Variants in GALNT15 observed in about 807,000 individuals in gnomAD.
GALNT15 encodes UDP-GalNAc transferase T15.
In GALNT15, 67 loss-of-function variants were observed where a neutral mutation model predicts 66.8. That is an observed-to-expected ratio of 1.00 (90% CI 0.82 to 1.23). The LOEUF (loss-of-function observed/expected upper bound fraction) is 1.23, where lower values mean the gene tolerates loss of function less well. Among genes scored for constraint, GALNT15 ranks in the 50% most tolerant of loss-of-function variants. The pLI is 0.00. For missense variants in GALNT15, 827 were observed against 804.3 expected (o/e 1.03, Z -0.34); for synonymous variants, 313 against 311.5 (o/e 1.00, Z -0.05).
chr3:16,182,459 G>C lies in GALNT15; in HGVS notation c.539+6769G>C, dbSNP rs1425171143. Among the ~76,000 whole-genome samples, 2 of 152,212 alleles carry C rather than the reference G, an allele frequency of 1.3e-5. No individual in the cohort carries two copies. The highest frequency in any genetic ancestry group is 2.9e-5 in the Non-Finnish European group (2 of 68,048). ...GGTGACTAAGAACAGAGATGCTCAA[G>C]TCACTTAAGGTGATGGAGTTACTGC... On this transcript the variant is annotated intron_variant, in intron 1 of 9. Transcript: ENST00000339732. This position sits in a 1 kb window ranked among gnomAD's most constrained non-coding sequence, Gnocchi z 6.1.
intron 2 of GALNT15, among the ~76,000 whole-genome samples, chr3:16,197,118 T>C (rs977259027): frequency 6.6e-6 from 1 of 152,124 alleles, no homozygotes; most frequent in Non-Finnish European, 1.5e-5. Context: ...AACCCTCAAG[T>C]GGGGCGGGGT....
intron 3 of GALNT15, among the ~76,000 whole-genome samples, chr3:16,206,612 G>T (rs1284137273): frequency 6.9e-6 from 1 of 145,866 alleles, no homozygotes; most frequent in Non-Finnish European, 1.5e-5. Flanking sequence ...GGCGGAGCTT[G>T]CAGTGAACCG....
chr3:16,214,063 C>T (rs2063847029), intron 6 of GALNT15, among the ~76,000 whole-genome samples: 1 of 152,208 alleles, frequency 6.6e-6, no homozygotes, highest in Non-Finnish European at 1.5e-5. Context: ...CCTCTTGGAC[C>T]CCGTCGGTTA....
Position 16,182,020 on chromosome 3 carries a change from G to A in GALNT15, c.539+6330G>A, listed in dbSNP as rs1234516154. Among the ~76,000 whole-genome samples the A allele has an allele frequency of 2.0e-5, 3 of 152,300 alleles. No individual in the cohort carries two copies. The highest frequency in any genetic ancestry group is 6.5e-5 in the Admixed American group (1 of 15,302). On this transcript the variant is annotated intron_variant, in intron 1 of 9. Coordinates refer to ENST00000339732, the MANE Select transcript of GALNT15 (RefSeq NM_054110.5). This position sits in a 1 kb window ranked among gnomAD's most constrained non-coding sequence, Gnocchi z 6.1. ...GTCAAATGCATTCATGGTAACAAGT[G>A]TGGTAGGGTCTTACCCTGCACTTCA... is the stretch of plus-strand genomic sequence containing the variant.
Position 16,228,410 on chromosome 3 carries a change from T to G in GALNT15, c.*910T>G, listed in dbSNP as rs949890475. ...AATTCCAGCACTTTGGGAGGCAGAG[T>G]TGGGAGGATCACCTGATGTCAGGGG... On this transcript the variant is annotated 3_prime_UTR_variant, in exon 10 of 10. Coordinates refer to ENST00000339732, the MANE Select transcript of GALNT15 (RefSeq NM_054110.5). 2 of 878,434 alleles carry G rather than the reference T, an allele frequency of 2.3e-6. No individual in the cohort carries two copies. Among genetic ancestry groups the G allele is most frequent in the African/African-American group, 3.6e-5 (2 of 54,810 alleles). The allele number at this position is 878,434 out of a possible 1,614,324, so 54.4% of individuals were successfully genotyped here.
rs114798293 is a variant in GALNT15, at chr3:16,229,233, A to G, written c.*1733A>G. On this transcript the variant is annotated 3_prime_UTR_variant, in exon 10 of 10. Transcript: ENST00000339732. ...TGTCTACCTGCTAAGTCAAGGGTTC[A>G]CTGCATTTCTCCTTCCTCAGAATAC... is the stretch of plus-strand genomic sequence containing the variant. 834 of 985,374 alleles carry G rather than the reference A, an allele frequency of 8.5e-4. 5 individuals carry two copies. In the African/African-American group the frequency reaches 0.013, roughly 16 times the overall value. 61.0% of individuals were successfully genotyped at this position (985,374 alleles called of 1,614,324 possible). A position where few individuals can be genotyped will look rare whatever the true frequency, so the allele number is the denominator to read the frequency against.
At chr3:16,185,755 A>G (rs1187794195) in intron 1 of GALNT15, among the ~76,000 whole-genome samples, 1 of 66,290 alleles carries the variant, frequency 1.5e-5, no homozygotes, top group Non-Finnish European at 3.3e-5. Context: ...AGACAGATAG[A>G]TAGATAGATA....
chr3:16,240,561 T>C, the GALNT15 span, among the ~76,000 whole-genome samples: 1 of 152,232 alleles, frequency 6.6e-6, no homozygotes, highest in Non-Finnish European at 1.5e-5. Flanking sequence ...AAAATAGACC[T>C]ATATTTGTAA....
At chr3:16,226,196 A>C (rs924630123) in intron 9 of GALNT15, among the ~76,000 whole-genome samples, 1 of 152,136 alleles carries the variant, frequency 6.6e-6, no homozygotes, top group Non-Finnish European at 1.5e-5. Context: ...AGGAGGGAGG[A>C]ATGGGGAGTG....
At chr3:16,177,106 C>T (rs1285134566) in intron 1 of GALNT15, among the ~76,000 whole-genome samples, 3 of 152,174 alleles carry the variant, frequency 2.0e-5, no homozygotes, top group Non-Finnish European at 1.5e-5. Context: ...ATTTATCAGT[C>T]GAATGCCTGC....
chr3:16,246,275 G>A, the GALNT15 span, among the ~76,000 whole-genome samples: 887 of 151,724 alleles, frequency 5.8e-3, 2 homozygotes, highest in Non-Finnish European at 0.01. Context: ...CTGTCCTAAG[G>A]GTCACTGTGC....
chr3:16,194,862 A>G (rs1302638316), intron 1 of GALNT15, among the ~76,000 whole-genome samples: 1 of 152,218 alleles, frequency 6.6e-6, no homozygotes, highest in Non-Finnish European at 1.5e-5. Context: ...ATCAGGATAA[A>G]TAACTAATGC....
chr3:16,243,122 C>T, the GALNT15 span, among the ~76,000 whole-genome samples: 11,915 of 152,230 alleles, frequency 0.078, 573 homozygotes, highest in Middle Eastern at 0.14. Context: ...GGGTTACACC[C>T]GGGGCCATTC....
At position 16,180,634 on chromosome 3, in the gene GALNT15, G is replaced by A. The variant is rs541121037; in HGVS notation, c.539+4944G>A. Among the ~76,000 whole-genome samples, 2 of 152,320 alleles carry A rather than the reference G, an allele frequency of 1.3e-5. No individual in the cohort carries two copies. The highest frequency in any genetic ancestry group is 1.9e-4 in the East Asian group (1 of 5,182). On this transcript the variant is annotated intron_variant, in intron 1 of 9. Transcript: ENST00000339732. This position sits in a 1 kb window ranked among gnomAD's most constrained non-coding sequence, Gnocchi z 5.0. Reference sequence around the variant, plus strand: ...TAGATAGTCTGGGGAACTACTGGTAGAGAAAGCGAGTGGAGAGCTGGTAGA... The same window carrying A: ...TAGATAGTCTGGGGAACTACTGGTAAAGAAAGCGAGTGGAGAGCTGGTAGA...
At chr3:16,240,887 C>T in the GALNT15 span, among the ~76,000 whole-genome samples, 1 of 152,246 alleles carries the variant, frequency 6.6e-6, no homozygotes, top group Non-Finnish European at 1.5e-5. Flanking sequence ...CCTCTGGACT[C>T]ACCTGCTACT....
rs1310578557 is a variant in GALNT15, at chr3:16,191,627, G to A, written c.540-4133G>A. Among the ~76,000 whole-genome samples the A allele has an allele frequency of 6.6e-6, 1 of 152,168 alleles. No individual in the cohort carries two copies. The highest frequency in any genetic ancestry group is 1.5e-5 in the Non-Finnish European group (1 of 68,026). ...TCAAAGAAAGGAACTTGAGTGCCCT[G>A]GTCACCATTTAACTAGCAGAGATGG... On this transcript the variant is annotated intron_variant, in intron 1 of 9. Transcript: ENST00000339732. The surrounding 1 kb of genome is among the most constrained non-coding windows in gnomAD (Gnocchi z 5.2).
the GALNT15 span, among the ~76,000 whole-genome samples, chr3:16,238,521 T>G: frequency 6.6e-6 from 1 of 152,158 alleles, no homozygotes; most frequent in Non-Finnish European, 1.5e-5. The surrounding 1 kb of genome is among the most constrained non-coding windows in gnomAD (Gnocchi z 4.8). Flanking sequence ...CAAGTTATTT[T>G]TTCTTATAAT....
intron 3 of GALNT15, among the ~76,000 whole-genome samples, chr3:16,202,396 G>A (rs2063713062): frequency 1.3e-5 from 2 of 152,360 alleles, no homozygotes; most frequent in Middle Eastern, 6.8e-3. Context: ...ACTTTGGGAG[G>A]CCGAGGCAGA....
intron 1 of GALNT15, among the ~76,000 whole-genome samples, chr3:16,185,685 C>A (rs566826003): frequency 1.3e-5 from 2 of 152,188 alleles, no homozygotes; most frequent in African/African-American, 4.8e-5. Context: ...CATCATTGTC[C>A]CTTTATGACT....
Sources: gnomAD v4.1 joint callset for allele counts (sites outside exome capture counted in the v4.1 genomes callset) on GRCh38, gnomAD v4.1.1 for gene constraint, Gnocchi (gnomAD v3.1) non-coding constraint, MANE v1.5 for transcripts, NCBI Gene and HGNC (gene_info 2026-07-23, HGNC 2026-07-21) for gene names.